The following DRC2 variants were observed in gnomAD, a reference collection of about 807,000 sequenced individuals.
DRC2 encodes coiled-coil domain containing 65.
At chr12:48,905,093 T>A in the DRC2 span, 1 of 1,610,670 alleles carries the variant, frequency 6.2e-7, no homozygotes, top group Non-Finnish European at 8.5e-7. Flanking sequence ...AGTGGTGGAC[T>A]GTAAGGACAA....
chr12:48,904,178 G>A, the DRC2 span: 2 of 884,042 alleles, frequency 2.3e-6, no homozygotes, highest in Non-Finnish European at 1.7e-6. Context: ...GATAGCCGGG[G>A]ATCTCTCCTG....
the DRC2 span, among the ~76,000 whole-genome samples, chr12:48,911,300 T>C: frequency 1.3e-5 from 2 of 152,018 alleles, no homozygotes; most frequent in Admixed American, 1.3e-4. Context: ...TGGTTCATGC[T>C]TGTAATCCCA....
chr12:48,908,971 A>G, the DRC2 span, among the ~76,000 whole-genome samples: 1 of 151,422 alleles, frequency 6.6e-6, no homozygotes, highest in African/African-American at 2.4e-5. Flanking sequence ...ACAGGAAAAA[A>G]TCCAGACTCC....
the DRC2 span, among the ~76,000 whole-genome samples, chr12:48,913,535 C>T: frequency 7.2e-5 from 11 of 152,182 alleles, no homozygotes; most frequent in South Asian, 1.0e-3. Context: ...CACTGTCACC[C>T]GGGCTGGAGT....
At chr12:48,915,427 G>C in the DRC2 span, among the ~76,000 whole-genome samples, 2 of 145,620 alleles carry the variant, frequency 1.4e-5, no homozygotes, top group African/African-American at 5.0e-5. Flanking sequence ...CAGGGTTGGG[G>C]GTAAGGTCAC....
chr12:48,908,541 T>C, the DRC2 span, among the ~76,000 whole-genome samples: 1 of 151,038 alleles, frequency 6.6e-6, no homozygotes, highest in Admixed American at 6.6e-5. Flanking sequence ...CACATTGAAC[T>C]GCCTCTAGAT....
the DRC2 span, among the ~76,000 whole-genome samples, chr12:48,909,301 C>T: frequency 6.6e-6 from 1 of 152,110 alleles, no homozygotes; most frequent in African/African-American, 2.4e-5. Context: ...CCTTGGCCTC[C>T]CAAAGTGCTG....
chr12:48,916,600 G>C, the DRC2 span, among the ~76,000 whole-genome samples: 1 of 151,950 alleles, frequency 6.6e-6, no homozygotes, highest in Admixed American at 6.6e-5. Flanking sequence ...GAAAGAGAGG[G>C]AGAGGGAGAC....
the DRC2 span, among the ~76,000 whole-genome samples, chr12:48,913,840 C>T: frequency 0.011 from 1,711 of 151,664 alleles, 32 homozygotes; most frequent in African/African-American, 0.039. Context: ...GTTGGTCAGG[C>T]TGGTCTTGAA....
chr12:48,910,545 T>C, the DRC2 span, among the ~76,000 whole-genome samples: 1 of 152,182 alleles, frequency 6.6e-6, no homozygotes, highest in Non-Finnish European at 1.5e-5. Flanking sequence ...TTTAATCTTG[T>C]TTTACTTTTT....
chr12:48,909,232 G>A, the DRC2 span, among the ~76,000 whole-genome samples: 2 of 151,360 alleles, frequency 1.3e-5, no homozygotes, highest in Admixed American at 1.3e-4. Flanking sequence ...TAGTAGAGAC[G>A]GGGTTTCTCT....
At chr12:48,921,057 A>G in the DRC2 span, 17 of 1,612,448 alleles carry the variant, frequency 1.1e-5, no homozygotes, top group African/African-American at 1.3e-5. Context: ...AATAATCTAG[A>G]AGAGCTTACT....
chr12:48,905,915 G>A, the DRC2 span, among the ~76,000 whole-genome samples: 1 of 152,084 alleles, frequency 6.6e-6, no homozygotes, highest in Non-Finnish European at 1.5e-5. Context: ...GTGACTACAG[G>A]CATGTGCCAC....
chr12:48,918,054 C>G, the DRC2 span: 1 of 500,392 alleles, frequency 2.0e-6, no homozygotes, highest in Non-Finnish European at 3.5e-6. Flanking sequence ...ACTGCCCCTC[C>G]TCCTCCCAAA....
the DRC2 span, among the ~76,000 whole-genome samples, chr12:48,913,421 A>G: frequency 6.6e-6 from 1 of 151,016 alleles, no homozygotes; most frequent in Non-Finnish European, 1.5e-5. Flanking sequence ...TTCCCGCCTC[A>G]GCCTCCTGAG....
At chr12:48,906,891 T>C in the DRC2 span, among the ~76,000 whole-genome samples, 1 of 151,488 alleles carries the variant, frequency 6.6e-6, no homozygotes, top group Non-Finnish European at 1.5e-5. Context: ...TTTAAGAGGC[T>C]TTTTCAGACA....
the DRC2 span, among the ~76,000 whole-genome samples, chr12:48,906,514 C>T: frequency 6.6e-6 from 1 of 151,568 alleles, no homozygotes; most frequent in Admixed American, 6.6e-5. Context: ...AAACTCCCGA[C>T]CTCAGGTGAT....
the DRC2 span, among the ~76,000 whole-genome samples, chr12:48,913,038 G>A: frequency 6.7e-6 from 1 of 148,946 alleles, no homozygotes; most frequent in Non-Finnish European, 1.5e-5. Context: ...TTGGGAAGCT[G>A]AGGCAGGAAT....
At chr12:48,904,392 T>G in the DRC2 span, 12 of 1,614,012 alleles carry the variant, frequency 7.4e-6, no homozygotes, top group Non-Finnish European at 1.0e-5. Flanking sequence ...AAGCAGCTGC[T>G]TCTGTTTCAG....
Sources: gnomAD v4.1 joint callset for allele counts (sites outside exome capture counted in the v4.1 genomes callset) on GRCh38, gnomAD v4.1.1 for gene constraint, MANE v1.5 for transcripts, NCBI Gene and HGNC (gene_info 2026-07-23, HGNC 2026-07-21) for gene names.